The following CPNE4 variants were observed in gnomAD, a reference collection of about 807,000 sequenced individuals.
The protein encoded by CPNE4 is copine 4, also known as copine-4.
A neutral mutation model predicts 67.9 loss-of-function variants in CPNE4; 25 were observed. That is an observed-to-expected ratio of 0.37 (90% confidence interval 0.27 to 0.51). The LOEUF (loss-of-function observed/expected upper bound fraction) is 0.51. Ranked by LOEUF, CPNE4 falls within the 20% of genes least tolerant of loss-of-function variation. CPNE4 has a pLI of 0.93. For synonymous variants in CPNE4, 242 were observed against 244.9 expected (o/e 0.99, Z 0.11); for missense variants, 464 against 690.8 (o/e 0.67, Z 3.68).
chr3:131,664,443 C>T (rs2080208360), intron 7 of CPNE4, among the ~76,000 whole-genome samples: 1 of 152,048 alleles, frequency 6.6e-6, no homozygotes, highest in Admixed American at 6.6e-5. Context: ...ATAAATCATA[C>T]ATTGATAAGT....
intron 2 of CPNE4, among the ~76,000 whole-genome samples, chr3:131,842,458 A>G (rs555406806): frequency 2.0e-5 from 3 of 152,346 alleles, no homozygotes; most frequent in South Asian, 4.1e-4. Context: ...TGTGTTGTGT[A>G]GTTATACAAG....
chr3:131,946,268 T>C (rs1434489577), intron 1 of CPNE4, among the ~76,000 whole-genome samples: 3 of 152,240 alleles, frequency 2.0e-5, no homozygotes, highest in Admixed American at 1.3e-4. Flanking sequence ...AATGGAGTTA[T>C]ACAATGTTTG....
chr3:131,839,735 G>A (rs2085699828), intron 2 of CPNE4, among the ~76,000 whole-genome samples: 1 of 141,690 alleles, frequency 7.1e-6, no homozygotes, highest in African/African-American at 2.6e-5. Context: ...ATGTAATAAT[G>A]TTATAAAAAG....
chr3:132,006,655 A>ATTTTTTTTTTTTTTTTT (rs113475309), intron 1 of CPNE4, among the ~76,000 whole-genome samples: 1 of 149,584 alleles, frequency 6.7e-6, no homozygotes, highest in Non-Finnish European at 1.5e-5. Flanking sequence ...CTTTCTTTCC[A>ATTTTTTTTTTTTTTTTT]TTTTTTTTTG....
intron 7 of CPNE4, among the ~76,000 whole-genome samples, chr3:131,627,706 A>G (rs1217355650): frequency 6.6e-6 from 1 of 152,240 alleles, no homozygotes; most frequent in African/African-American, 2.4e-5. Context: ...GTTGATTTTA[A>G]TGCTCAGGGA....
chr3:131,606,623 T>G (rs537338670), intron 7 of CPNE4, among the ~76,000 whole-genome samples: 1 of 152,132 alleles, frequency 6.6e-6, no homozygotes, highest in African/African-American at 2.4e-5. Flanking sequence ...AGTTTATCCT[T>G]GGGCACAAAA....
At position 131,978,139 on chromosome 3, in the gene CPNE4, A is replaced by T. The variant is rs867041714; in HGVS notation, c.-2+56428T>A. Reference sequence around the variant, plus strand: ...ATATATAAATATATATATTTATATAAATATATATAAAATATATAAATATAT... The same window carrying T: ...ATATATAAATATATATATTTATATATATATATATAAAATATATAAATATAT... On this transcript the variant is annotated intron_variant, in intron 1 of 15. Coordinates refer to ENST00000429747, the MANE Select transcript of CPNE4 (RefSeq NM_130808.3). Among the ~76,000 whole-genome samples, 71 of 80,964 alleles carry T rather than the reference A, an allele frequency of 8.8e-4. 5 individuals carry two copies. In the South Asian group the frequency reaches 0.018, roughly 20 times the overall value. The allele number at this position is 80,964 out of a possible 152,430, so 53.1% of individuals were successfully genotyped here. A position where few individuals can be genotyped will look rare whatever the true frequency, so the allele number is the denominator to read the frequency against.
At chr3:131,789,693 T>C (rs1001426516) in intron 2 of CPNE4, among the ~76,000 whole-genome samples, 2 of 152,290 alleles carry the variant, frequency 1.3e-5, no homozygotes, top group African/African-American at 4.8e-5. Flanking sequence ...ATTCAGTTAA[T>C]TAAGCATTTG....
At chr3:131,723,251 C>T (rs1560184014) in intron 3 of CPNE4, among the ~76,000 whole-genome samples, 195 bp downstream of exon 3, 1 of 152,110 alleles carries the variant, frequency 6.6e-6, no homozygotes, top group Non-Finnish European at 1.5e-5. Context: ...AATAAGAAAT[C>T]GTACAGACTT....
At chr3:131,792,667 A>ATATG (rs1485434333) in intron 2 of CPNE4, among the ~76,000 whole-genome samples, 4 of 67,286 alleles carry the variant, frequency 5.9e-5, no homozygotes, top group South Asian at 4.3e-4. Flanking sequence ...ACACGTGTAT[A>ATATG]TATACATATA....
At chr3:132,008,166 T>C (rs553017242) in intron 1 of CPNE4, among the ~76,000 whole-genome samples, 160 of 152,292 alleles carry the variant, frequency 1.1e-3, no homozygotes, top group Middle Eastern at 3.4e-3. Context: ...TTATTATTTC[T>C]TATTGAATGA....
intron 6 of CPNE4, among the ~76,000 whole-genome samples, chr3:131,676,928 T>C (rs563316879): frequency 6.6e-6 from 1 of 152,304 alleles, no homozygotes; most frequent in South Asian, 2.1e-4. Flanking sequence ...ATGATAGTTC[T>C]GTCTCGAGGT....
intron 2 of CPNE4, among the ~76,000 whole-genome samples, chr3:131,741,517 T>C (rs1468971328): frequency 1.3e-5 from 2 of 151,986 alleles, no homozygotes; most frequent in Non-Finnish European, 2.9e-5. Context: ...GGGTGAGGGT[T>C]GGGGGCAAGG....
chr3:131,923,467 G>C (rs983321293), intron 1 of CPNE4, among the ~76,000 whole-genome samples: 1 of 152,038 alleles, frequency 6.6e-6, no homozygotes, highest in African/African-American at 2.4e-5. Context: ...CACTTTGGGA[G>C]GCCAAGGTGG....
At chr3:132,008,439 A>T (rs1220447984) in intron 1 of CPNE4, among the ~76,000 whole-genome samples, 1 of 152,218 alleles carries the variant, frequency 6.6e-6, no homozygotes, top group East Asian at 1.9e-4. Flanking sequence ...TAATATAGCT[A>T]TTATTCCTAT....
At chr3:132,017,902 C>T (rs768916408) in intron 1 of CPNE4, 8 of 152,328 alleles carry the variant, frequency 5.3e-5, no homozygotes, top group Admixed American at 3.9e-4. Context: ...TTTGAGGATA[C>T]TCATTGGCAC....
At chr3:131,752,253 C>T (rs1258084795) in intron 2 of CPNE4, among the ~76,000 whole-genome samples, 1 of 152,112 alleles carries the variant, frequency 6.6e-6, no homozygotes, top group Non-Finnish European at 1.5e-5. Context: ...TAGAAGTCTC[C>T]CCTGCCCACC....
chr3:131,851,406 T>C (rs911768724), intron 2 of CPNE4, among the ~76,000 whole-genome samples: 2 of 151,972 alleles, frequency 1.3e-5, no homozygotes, highest in African/African-American at 4.8e-5. Context: ...ACAGGAAATA[T>C]AACAAGCTGA....
intron 7 of CPNE4, among the ~76,000 whole-genome samples, chr3:131,638,056 T>C (rs112172924): frequency 0.15 from 23,519 of 152,006 alleles, 3,873 homozygotes; most frequent in African/African-American, 0.42. Flanking sequence ...GAAACAAATC[T>C]TTGAAATACA....
Sources: allele counts gnomAD v4.1 joint callset (sites outside exome capture counted in the v4.1 genomes callset), GRCh38; gene constraint gnomAD v4.1.1; transcripts MANE v1.5; gene names NCBI Gene and HGNC (gene_info 2026-07-23, HGNC 2026-07-21).